Variants in TRPM7 observed in about 807,000 individuals in gnomAD.
TRPM7 encodes the protein transient receptor potential cation channel subfamily M member 7, also known as LTRPC ion channel family member 7.
Under a neutral mutation model 229.7 loss-of-function variants are expected in TRPM7, and 134 were observed. The observed-to-expected ratio is 0.58, with a 90% CI of 0.51 to 0.67. TRPM7 has a LOEUF of 0.67. Ranked by LOEUF, TRPM7 falls within the 30% of genes least tolerant of loss-of-function variation. TRPM7 has a pLI of 0.00. For synonymous variants in TRPM7, 699 were observed against 715.2 expected (o/e 0.98, Z 0.36); for missense variants, 1,901 against 2,210.0 (o/e 0.86, Z 2.80).
chr15:50,654,051 C>T (rs1016344452), intron 3 of TRPM7, among the ~76,000 whole-genome samples: 2 of 152,096 alleles, frequency 1.3e-5, no homozygotes, highest in African/African-American at 4.8e-5. Flanking sequence ...AAAATCAAAC[C>T]TGAATGGACA....
At chr15:50,649,956 A>T (rs1354028746) in intron 3 of TRPM7, among the ~76,000 whole-genome samples, 2 of 152,068 alleles carry the variant, frequency 1.3e-5, no homozygotes, top group African/African-American at 4.8e-5. Context: ...GCACTTTGGG[A>T]GGCCGAGACG....
At chr15:50,579,459 C>A (rs1460490677) in intron 30 of TRPM7, among the ~76,000 whole-genome samples, 1 of 152,212 alleles carries the variant, frequency 6.6e-6, no homozygotes, top group African/African-American at 2.4e-5. Context: ...TTGAACCTAA[C>A]ATCATTCCTT....
Position 50,574,912 on chromosome 15 carries a change from C to A in TRPM7, c.4959G>T (p.Glu1653Asp). 1 of 1,613,842 alleles carries A rather than the reference C, an allele frequency of 6.2e-7. No homozygotes were observed. The highest frequency in any genetic ancestry group is 1.1e-5 in the South Asian group (1 of 91,066). Residue 1653 changes from glutamate (E) to aspartate (D), a missense_variant, in exon 34 of 39, where the codon GAG becomes GAT. Physicochemically the swap from Glu to Asp is conservative, Grantham distance 45. This residue lies in a region of TRPM7 where 257 missense variants were observed against 352.0 expected (regional missense o/e 0.73). Transcript: ENST00000646667. ...HLYIIKSFLP[E>D]VVNTWSSIYK... is the part of the protein sequence containing the mutation. ...AAATACTTGACCATGTATTAACCAC[C>A]TCTGGAAGAAAAGATTTGATAATAT...
rs904017480 is a variant in TRPM7 at position 50,591,058 on chromosome 15, AT to A, written c.4324+852del. 4.1e-3 allele frequency among the ~76,000 whole-genome samples: 628 copies of A among 151,618 alleles called. 5 individuals carry two copies. Among genetic ancestry groups the A allele is most frequent in the African/African-American group, 0.014 (589 of 41,292 alleles). On this transcript the variant is annotated intron_variant, in intron 26 of 38. Transcript: ENST00000646667. ...TTAATGTGTTACTGCCAAAATAAAC[AT>A]TTTTTTTTGTTCTTATCTTATTTAA...
In TRPM7 at chr15:50,574,427, C is replaced by T; in HGVS notation, c.5155G>A (p.Val1719Met). 6.2e-7 allele frequency: 1 copy of T among 1,613,946 alleles called. No individual in the cohort carries two copies. The highest frequency in any genetic ancestry group is 1.1e-5 in the South Asian group (1 of 91,080). The change falls in exon 36 of 39, where the codon GTG becomes ATG. Residue 1719 changes from valine (V) to methionine (M), a missense_variant. Transcript: ENST00000646667. Reference sequence around the variant, plus strand: ...AATTCTCCAGTCATACATTCTTCCACAGCAAACCACTGTCCTGCTGAATGG... The same window carrying T: ...AATTCTCCAGTCATACATTCTTCCATAGCAAACCACTGTCCTGCTGAATGG... Reference protein sequence around the residue: ...YCHSAGQWFAVEECMTGEFRK... With the variant: ...YCHSAGQWFAMEECMTGEFRK...
At chr15:50,635,432 G>C (rs995019521) in intron 7 of TRPM7, among the ~76,000 whole-genome samples, 2 of 150,950 alleles carry the variant, frequency 1.3e-5, no homozygotes, top group Non-Finnish European at 2.9e-5. Flanking sequence ...GAGAGGCCAA[G>C]TCGGGCAGAT....
chr15:50,614,280 T>G lies in TRPM7; in HGVS notation c.1495-17A>C. ...AAGATTTCCCTAGAAACAAAACATT[T>G]GTTTTAAATAGATCAGATAGCACTT... On this transcript the variant is annotated splice_polypyrimidine_tract_variant and intron_variant, in intron 13 of 38. Transcript: ENST00000646667. The G allele has an allele frequency of 3.8e-6, 6 of 1,591,376 alleles. No individual in the cohort carries two copies. Among genetic ancestry groups the G allele is most frequent in the Non-Finnish European group, 5.1e-6 (6 of 1,170,812 alleles).
Position 50,650,694 on chromosome 15 carries a change from C to CA in TRPM7, c.123-1810dup, listed in dbSNP as rs201554690. 1.8e-4 allele frequency among the ~76,000 whole-genome samples: 25 copies of CA among 142,030 alleles called. No individual in the cohort carries two copies. In the East Asian group the frequency reaches 2.8e-3, roughly 16 times the overall value. 93.2% of individuals were successfully genotyped at this position (142,030 alleles called of 152,430 possible). ...TGGGCAACACAGCAAGACTGGGTCT[C>CA]AAAAAAAACAAAAAAAAACAAAAAA... On this transcript the variant is annotated intron_variant, in intron 3 of 38. Transcript: ENST00000646667.
rs1309898071 is a variant in TRPM7 at position 50,559,445 on chromosome 15, G to C, written c.*2233C>G. ...TGAGCCCAAGTGATCCACCTGCCTT[G>C]GCCTCCCGAAGTGCTGGGATTACAG... is the stretch of plus-strand genomic sequence containing the variant. On this transcript the variant is annotated 3_prime_UTR_variant, in exon 39 of 39. Coordinates refer to ENST00000646667, the MANE Select transcript of TRPM7 (RefSeq NM_017672.6). 1 of 150,908 alleles carries C rather than the reference G, an allele frequency of 6.6e-6. No individual in the cohort carries two copies. The highest frequency in any genetic ancestry group is 2.4e-5 in the African/African-American group (1 of 40,974). 9.3% of individuals were successfully genotyped at this position (150,908 alleles called of 1,614,324 possible). A position where few individuals can be genotyped will look rare whatever the true frequency, so the allele number is the denominator to read the frequency against.
chr15:50,651,450 C>T (rs573449596), intron 3 of TRPM7, among the ~76,000 whole-genome samples: 2 of 151,338 alleles, frequency 1.3e-5, no homozygotes, highest in East Asian at 3.9e-4. Context: ...TCGAGACCAT[C>T]CTGGCTAACA....
At position 50,575,806 on chromosome 15, in the gene TRPM7, G is replaced by C; in HGVS notation, c.4670-17C>G. On this transcript the variant is annotated splice_polypyrimidine_tract_variant and intron_variant, in intron 32 of 38. Coordinates refer to ENST00000646667, the MANE Select transcript of TRPM7 (RefSeq NM_017672.6). ...TTTCCACAGCTGCATAAAAATGAGAGAGAAATAATTAAATCTGTAAAGGTC... is the reference window on the plus strand; with the variant it reads ...TTTCCACAGCTGCATAAAAATGAGACAGAAATAATTAAATCTGTAAAGGTC... 1 of 1,613,184 alleles carries C rather than the reference G, an allele frequency of 6.2e-7. No individual in the cohort carries two copies. The highest frequency in any genetic ancestry group is 8.5e-7 in the Non-Finnish European group (1 of 1,179,552).
At chr15:50,637,709 G>T in intron 6 of TRPM7, 116 bp from the exon 7 acceptor site, 1 of 884,716 alleles carries the variant, frequency 1.1e-6, no homozygotes, top group Non-Finnish European at 1.7e-6. Flanking sequence ...TTTACATACA[G>T]AAATAAATAC....
At chr15:50,579,171 C>A (rs2054279967) in intron 30 of TRPM7, among the ~76,000 whole-genome samples, 1 of 152,174 alleles carries the variant, frequency 6.6e-6, no homozygotes, top group Admixed American at 6.5e-5. Flanking sequence ...CATACACTGG[C>A]ACCAAATGCA....
In TRPM7 at chr15:50,624,241, T is replaced by C. The variant is rs2060496795; in HGVS notation, c.1365A>G (p.Val455=). The C allele has an allele frequency of 1.2e-6, 2 of 1,613,122 alleles. No individual in the cohort carries two copies. Among genetic ancestry groups the C allele is most frequent in the Non-Finnish European group, 1.7e-6 (2 of 1,179,498 alleles). The part of the protein sequence containing the change: ...DALVMDRVAF[V]KLLIENGVSM... ...TTACTCCATTTTCAATAAGAAGTTTTACAAATGCAACTCTATCCATTACAA... is the reference window on the plus strand; with the variant it reads ...TTACTCCATTTTCAATAAGAAGTTTCACAAATGCAACTCTATCCATTACAA... The change falls in exon 12 of 39, where the codon GTA becomes GTG. Residue 455 remains valine (V), a synonymous_variant. Transcript: ENST00000646667.
intron 12 of TRPM7, 128 bp downstream of exon 12, chr15:50,624,038 G>T: frequency 1.1e-6 from 1 of 940,864 alleles, no homozygotes; most frequent in Non-Finnish European, 1.5e-6. Context: ...ACTAAGACTG[G>T]CTATAATTTT....
At chr15:50,599,328 G>T in intron 21 of TRPM7, 32 bp from the exon 22 acceptor site, 1 of 1,531,036 alleles carries the variant, frequency 6.5e-7, no homozygotes, top group African/African-American at 1.4e-5. Flanking sequence ...TAAAATACAA[G>T]GAAGTTTAAA....
intron 2 of TRPM7, among the ~76,000 whole-genome samples, chr15:50,659,333 G>C (rs192634814): frequency 1.3e-5 from 2 of 152,254 alleles, no homozygotes; most frequent in Non-Finnish European, 2.9e-5. Context: ...CTTTCTGGAA[G>C]ACATTCCAAG....
intron 1 of TRPM7, among the ~76,000 whole-genome samples, chr15:50,680,108 C>T (rs1462055136): frequency 6.6e-6 from 1 of 151,900 alleles, no homozygotes; most frequent in Non-Finnish European, 1.5e-5. Context: ...GTGGCGGGTG[C>T]CTGTAATCCT....
chr15:50,672,867 C>T (rs1308529137), intron 1 of TRPM7, among the ~76,000 whole-genome samples: 1 of 128,452 alleles, frequency 7.8e-6, no homozygotes, highest in South Asian at 2.4e-4. Context: ...CCACTGCACT[C>T]CAGCCAGGGT....
Sources: gnomAD v4.1 joint callset for allele counts (sites outside exome capture counted in the v4.1 genomes callset) on GRCh38, gnomAD v4.1.1 for gene constraint, gnomAD v4.1.1 regional missense constraint, MANE v1.5 for transcripts, NCBI Gene and HGNC (gene_info 2026-07-23, HGNC 2026-07-21) for gene names.